STK31: variants seen among roughly 807,000 people sequenced by gnomAD.
STK31 encodes serine/threonine-protein kinase 31.
A neutral mutation model predicts 129.7 loss-of-function variants in STK31; 89 were observed. The ratio of observed to expected loss-of-function variants is 0.69; its 90% CI spans 0.58 to 0.82. The LOEUF (loss-of-function observed/expected upper bound fraction) is 0.82, where lower values mean the gene tolerates loss of function less well. STK31 is among the 40% of genes least tolerant of loss of function. The pLI, the probability that STK31 is intolerant of heterozygous loss-of-function variation, is 0.00. For missense variants in STK31, 1,187 were observed against 1,176.4 expected, an observed-to-expected ratio of 1.01 and a Z score of -0.13; for synonymous variants, 448 against 395.3, an observed-to-expected ratio of 1.13 and a Z score of -1.58.
intron 6 of STK31, among the ~76,000 whole-genome samples, chr7:23,730,580 G>A (rs1005519321): frequency 6.6e-6 from 1 of 151,682 alleles, no homozygotes; most frequent in Admixed American, 6.6e-5. Flanking sequence ...AATATTATCT[G>A]CTCTCACTTT....
In STK31 at chr7:23,726,834, AG is replaced by A. The variant is rs1436580290; in HGVS notation, c.250-406del. On this transcript the variant is annotated intron_variant, in intron 4 of 23. Transcript: ENST00000355870. ...GGAAATATGAATTCCACTATAGTTG[AG>A]AGTTAGACTTACGTGGCATGTACTT... 3.2e-4 allele frequency among the ~76,000 whole-genome samples: 48 copies of A among 152,276 alleles called. 2 individuals carry two copies. The East Asian group carries it at 9.1e-3, about 29-fold the overall frequency.
chr7:23,716,695 T>A (rs2128061989), intron 3 of STK31, among the ~76,000 whole-genome samples: 1 of 152,278 alleles, frequency 6.6e-6, no homozygotes, highest in South Asian at 2.1e-4. Flanking sequence ...TCATAATTTA[T>A]TTTGTTGTTT....
chr7:23,799,054 CAAG>C (rs1438553097), intron 22 of STK31, among the ~76,000 whole-genome samples: 1 of 152,054 alleles, frequency 6.6e-6, no homozygotes, highest in Non-Finnish European at 1.5e-5. Flanking sequence ...AGGACCTCTT[CAAG>C]AAGAATTACA....
At chr7:23,786,816 C>T in intron 19 of STK31, 22 bp from the exon 20 acceptor site, 11 of 1,599,700 alleles carry the variant, frequency 6.9e-6, no homozygotes, top group African/African-American at 1.3e-5. Flanking sequence ...CTTGGAGTCA[C>T]ATTCTCTGTT....
At chr7:23,772,838 C>T (rs1790286402) in intron 15 of STK31, among the ~76,000 whole-genome samples, 1 of 152,012 alleles carries the variant, frequency 6.6e-6, no homozygotes, top group South Asian at 2.1e-4. Context: ...ACTTTGTGTT[C>T]CTTTGAGGAT....
intron 6 of STK31, among the ~76,000 whole-genome samples, chr7:23,730,878 A>ATATATATATATTTTTTT: frequency 4.4e-4 from 26 of 59,532 alleles, no homozygotes; most frequent in Non-Finnish European, 5.2e-4. Flanking sequence ...ATATATATAT[A>ATATATATATATTTTTTT]TTTTTTTTTT....
chr7:23,798,596 T>G (rs1053645596), intron 22 of STK31, among the ~76,000 whole-genome samples: 2 of 152,164 alleles, frequency 1.3e-5, no homozygotes, highest in Non-Finnish European at 2.9e-5. Flanking sequence ...TGATGGAATG[T>G]ATTTCAAAAT....
Position 23,730,879 on chromosome 7 carries a change from T to TATATA in STK31, c.483+1630_483+1631insATATA, listed in dbSNP as rs1491380351. Among the ~76,000 whole-genome samples the TATATA allele has an allele frequency of 4.7e-3, 183 of 39,270 alleles. 1 individual carries two copies. The highest frequency in any genetic ancestry group is 0.013 in the Middle Eastern group (1 of 76). 25.8% of individuals were successfully genotyped at this position (39,270 alleles called of 152,430 possible). On this transcript the variant is annotated intron_variant, in intron 6 of 23. Transcript: ENST00000355870. ...ATTTATATATATATATATATATATATTTTTTTTTTTTTTTTTTGGTTGGGG... is the reference window on the plus strand; with the variant it reads ...ATTTATATATATATATATATATATATATATATTTTTTTTTTTTTTTTTGGTTGGGG...
chr7:23,728,072 C>CTTTTTTTT (rs56355518), intron 5 of STK31, among the ~76,000 whole-genome samples: 19 of 68,264 alleles, frequency 2.8e-4, no homozygotes, highest in African/African-American at 4.6e-4. Context: ...TTGTGTTAAG[C>CTTTTTTTT]TTTTTTTTTT....
intron 22 of STK31, among the ~76,000 whole-genome samples, chr7:23,797,746 A>G (rs1164011358): frequency 2.0e-5 from 3 of 152,182 alleles, no homozygotes; most frequent in Non-Finnish European, 2.9e-5. Context: ...GTAGAAGACA[A>G]GAAATAATTA....
At chr7:23,730,921 G>C (rs1197304359) in intron 6 of STK31, among the ~76,000 whole-genome samples, 1 of 98,856 alleles carries the variant, frequency 1.0e-5, no homozygotes, top group African/African-American at 3.8e-5. Flanking sequence ...GTCTTGCTCT[G>C]TTGCCCAGGC....
At chr7:23,792,323 A>G (rs1791669482) in intron 22 of STK31, among the ~76,000 whole-genome samples, 2 of 152,196 alleles carry the variant, frequency 1.3e-5, no homozygotes, top group African/African-American at 4.8e-5. Context: ...TTTTTATATA[A>G]GCAACAAATA....
chr7:23,795,927 G>A (rs1791923774), intron 22 of STK31, among the ~76,000 whole-genome samples: 1 of 152,196 alleles, frequency 6.6e-6, no homozygotes, highest in Non-Finnish European at 1.5e-5. Context: ...GATTTTACAG[G>A]CTCATAGGCA....
At chr7:23,824,853 A>G (rs1422110139) in intron 23 of STK31, among the ~76,000 whole-genome samples, 1 of 151,764 alleles carries the variant, frequency 6.6e-6, no homozygotes, top group Non-Finnish European at 1.5e-5. Context: ...CTATTGAGAT[A>G]ATCATGTGGT....
chr7:23,747,080 T>G (rs1239008162), intron 8 of STK31, among the ~76,000 whole-genome samples: 1 of 152,074 alleles, frequency 6.6e-6, no homozygotes, highest in Non-Finnish European at 1.5e-5. Flanking sequence ...GTTTTCTAAT[T>G]TTTTGGAGGG....
Position 23,815,230 on chromosome 7 carries a change from C to A in STK31, c.2829+18C>A, listed in dbSNP as rs1221665317. The A allele has an allele frequency of 6.5e-7, 1 of 1,538,558 alleles. No homozygotes were observed. Among genetic ancestry groups the A allele is most frequent in the Admixed American group, 2.0e-5 (1 of 51,048 alleles). On this transcript the variant is annotated intron_variant, in intron 23 of 23. Transcript: ENST00000355870. ...TTCATCTGGTATGTGACCTTTTTGA[C>A]ATTTACTGGTTTGAAACACATGCAG...
At chr7:23,792,318 A>G (rs1193042622) in intron 22 of STK31, among the ~76,000 whole-genome samples, 2 of 152,166 alleles carry the variant, frequency 1.3e-5, no homozygotes, top group Non-Finnish European at 2.9e-5. Flanking sequence ...TTGTGTTTTT[A>G]TATAAGCAAC....
At chr7:23,830,298 C>T (rs1232575003) in intron 23 of STK31, among the ~76,000 whole-genome samples, 1 of 151,704 alleles carries the variant, frequency 6.6e-6, no homozygotes, top group Non-Finnish European at 1.5e-5. Context: ...CTTAGTTCTG[C>T]TCCCATCGTT....
At chr7:23,752,673 T>C (rs1788785162) in intron 8 of STK31, 44 bp from the exon 9 acceptor site, 1 of 1,381,256 alleles carries the variant, frequency 7.2e-7, no homozygotes, top group African/African-American at 1.4e-5. Flanking sequence ...GAAATACAGT[T>C]TCCTATTTGG....
Sources: allele counts gnomAD v4.1 joint callset (sites outside exome capture counted in the v4.1 genomes callset), GRCh38; gene constraint gnomAD v4.1.1; transcripts MANE v1.5; gene names NCBI Gene and HGNC (gene_info 2026-07-23, HGNC 2026-07-21).